TSNARE1: variants seen among roughly 807,000 people sequenced by gnomAD.
TSNARE1 encodes the protein t-SNARE domain containing 1.
In TSNARE1, 49 loss-of-function variants were observed where a neutral mutation model predicts 62.0. The ratio of observed to expected loss-of-function variants is 0.79; its 90% CI spans 0.63 to 1.00. The LOEUF (loss-of-function observed/expected upper bound fraction) is 1.00, where lower values mean the gene tolerates loss of function less well. Ranked by LOEUF, TSNARE1 falls within the 50% of genes least tolerant of loss-of-function variation. TSNARE1 has a pLI of 0.00. For synonymous variants in TSNARE1, 328 were observed against 294.4 expected (o/e 1.11, Z -1.17); for missense variants, 755 against 700.1 (o/e 1.08, Z -0.88).
intron 13 of TSNARE1, among the ~76,000 whole-genome samples, chr8:142,228,754 AGAGGATGATG>A (rs1379107575): frequency 6.6e-6 from 1 of 152,218 alleles, no homozygotes; most frequent in African/African-American, 2.4e-5. Flanking sequence ...ACAAACACAT[AGAGGATGATG>A]AAGGAAGGAA....
intron 1 of TSNARE1, among the ~76,000 whole-genome samples, chr8:142,374,539 C>A (rs1172276316): frequency 6.6e-6 from 1 of 151,790 alleles, no homozygotes; most frequent in Non-Finnish European, 1.5e-5. Flanking sequence ...ATTAGCCAGG[C>A]GTGATGGCGG....
intron 12 of TSNARE1, among the ~76,000 whole-genome samples, chr8:142,261,786 C>G (rs987822160): frequency 6.6e-6 from 1 of 152,218 alleles, no homozygotes; most frequent in Non-Finnish European, 1.5e-5. Flanking sequence ...GCTGCCCTCG[C>G]TATACCCAGC....
intron 11 of TSNARE1, chr8:142,278,217 C>CCACA (rs1820815734): frequency 1.0e-6 from 1 of 985,324 alleles, no homozygotes; most frequent in African/African-American, 1.7e-5. Context: ...ACAGGGTTGG[C>CCACA]TGGGTCTACA....
intron 11 of TSNARE1, among the ~76,000 whole-genome samples, chr8:142,282,286 C>G (rs1279340912): frequency 6.6e-6 from 1 of 152,250 alleles, no homozygotes; most frequent in African/African-American, 2.4e-5. Flanking sequence ...CCTCACAACC[C>G]TATCCACCCC....
At chr8:142,265,728 G>C (rs75857023) in intron 12 of TSNARE1, among the ~76,000 whole-genome samples, 13,706 of 152,280 alleles carry the variant, frequency 0.09, 775 homozygotes, top group East Asian at 0.29. Context: ...GCATGAGCGA[G>C]CCATTTCTCC....
At chr8:142,382,064 G>A (rs866272374) in intron 1 of TSNARE1, among the ~76,000 whole-genome samples, 2 of 152,096 alleles carry the variant, frequency 1.3e-5, no homozygotes, top group Non-Finnish European at 2.9e-5. Flanking sequence ...AGGCCCACGC[G>A]CCCCTGCCAG....
At chr8:142,349,473 T>A (rs1381711641) in intron 2 of TSNARE1, among the ~76,000 whole-genome samples, 2 of 151,984 alleles carry the variant, frequency 1.3e-5, no homozygotes, top group Admixed American at 1.3e-4. Context: ...AAAAATAAAA[T>A]AGCATCAACT....
chr8:142,276,525 GT>G, intron 11 of TSNARE1: 1 of 985,484 alleles, frequency 1.0e-6, no homozygotes, highest in Non-Finnish European at 1.2e-6. Flanking sequence ...AATGTGGACA[GT>G]GGAGAGCATT....
chr8:142,264,058 T>C (rs1482987868), intron 12 of TSNARE1, among the ~76,000 whole-genome samples: 1 of 152,242 alleles, frequency 6.6e-6, no homozygotes, highest in East Asian at 1.9e-4. Flanking sequence ...AGTATAAGCA[T>C]TGAAGGCTAC....
intron 4 of TSNARE1, among the ~76,000 whole-genome samples, chr8:142,342,713 C>A (rs1251734193): frequency 1.3e-5 from 2 of 151,698 alleles, no homozygotes; most frequent in African/African-American, 4.8e-5. Context: ...AGCAAGAGCT[C>A]AGACGCCATG....
Position 142,276,706 on chromosome 8 carries a change from G to T in TSNARE1, c.1364-1843C>A, listed in dbSNP as rs1482679022. ...TGTGCCCAATCCTGCTCTACACCTA[G>T]CCCTGGCCCTGGGGACTCTGATCGT... On this transcript the variant is annotated intron_variant, in intron 11 of 13. Coordinates refer to ENST00000524325, the MANE Select transcript of TSNARE1 (RefSeq NM_145003.5). 3.0e-6 allele frequency: 3 copies of T among 985,280 alleles called. No homozygotes were observed. The African/African-American group carries it at 5.2e-5, about 17-fold the overall frequency. The allele number at this position is 985,280 out of a possible 1,614,324, so 61.0% of individuals were successfully genotyped here. A position where few individuals can be genotyped will look rare whatever the true frequency, so the allele number is the denominator to read the frequency against.
chr8:142,396,850 T>C (rs1412844741), intron 1 of TSNARE1, among the ~76,000 whole-genome samples: 2 of 152,184 alleles, frequency 1.3e-5, no homozygotes, highest in Non-Finnish European at 2.9e-5. Context: ...CAGGAGGTGT[T>C]GTTATAATCA....
chr8:142,263,401 G>GT (rs1413748592), intron 12 of TSNARE1, among the ~76,000 whole-genome samples: 11 of 152,186 alleles, frequency 7.2e-5, no homozygotes, highest in Admixed American at 2.6e-4. Context: ...CGAGGATGCC[G>GT]TATCTCCAAA....
At chr8:142,231,694 C>T (rs907505311) in intron 12 of TSNARE1, among the ~76,000 whole-genome samples, 6 of 152,172 alleles carry the variant, frequency 3.9e-5, no homozygotes, top group Non-Finnish European at 8.8e-5. Context: ...CAAGCATCAT[C>T]CCCCACCACG....
intron 1 of TSNARE1, among the ~76,000 whole-genome samples, chr8:142,392,947 GAAA>G (rs374805854): frequency 9.1e-6 from 1 of 109,546 alleles, no homozygotes; most frequent in African/African-American, 3.4e-5. Context: ...AGGAGAAAAA[GAAA>G]AAAAAAAAAA....
rs1024259021 is a variant in TSNARE1, at chr8:142,382,246, C to T, written c.-40+20858G>A. ...TGTTGTTATAGCAACTTCAACTCCA[C>T]GTCAAGCAGAATGCCAGCCGGGCAC... On this transcript the variant is annotated intron_variant, in intron 1 of 13. Transcript: ENST00000524325. 6.6e-5 allele frequency among the ~76,000 whole-genome samples: 10 copies of T among 152,150 alleles called. No homozygotes were observed. In the South Asian group the frequency reaches 8.3e-4, roughly 13 times the overall value.
At chr8:142,311,348 AG>A (rs571775588) in intron 9 of TSNARE1, among the ~76,000 whole-genome samples, 220 of 122,450 alleles carry the variant, frequency 1.8e-3, no homozygotes, top group African/African-American at 7.1e-3. Flanking sequence ...CCCAGGCTGG[AG>A]TGCAATGGCA....
At chr8:142,222,939 T>TTCACTCACTCATCCACTCAC (rs1816485022) in intron 13 of TSNARE1, among the ~76,000 whole-genome samples, 2 of 110,834 alleles carry the variant, frequency 1.8e-5, no homozygotes, top group Admixed American at 8.5e-5. Flanking sequence ...CATCCACTCA[T>TTCACTCACTCATCCACTCAC]TCACTCACTC....
At chr8:142,306,534 G>GGGAGTTGACT (rs1370237072) in intron 9 of TSNARE1, among the ~76,000 whole-genome samples, 2 of 152,200 alleles carry the variant, frequency 1.3e-5, no homozygotes, top group Non-Finnish European at 2.9e-5. Context: ...CCACAGCCAG[G>GGGAGTTGACT]ATCGCCAACT....
Sources: gnomAD v4.1 joint callset for allele counts (sites outside exome capture counted in the v4.1 genomes callset) on GRCh38, gnomAD v4.1.1 for gene constraint, MANE v1.5 for transcripts, NCBI Gene and HGNC (gene_info 2026-07-23, HGNC 2026-07-21) for gene names.